The following UGT2A1 variants were observed in gnomAD, a reference collection of about 807,000 sequenced individuals.
The protein encoded by UGT2A1 is UDP glucuronosyltransferase family 2 member A1 complex locus.
In UGT2A1, 61 loss-of-function variants were observed where a neutral mutation model predicts 45.4. The ratio of observed to expected loss-of-function variants is 1.34; its 90% CI spans 1.09 to 1.66. The LOEUF (loss-of-function observed/expected upper bound fraction) is 1.66, where lower values mean the gene tolerates loss of function less well. UGT2A1 is among the 40% of genes most tolerant of loss of function. The pLI, the probability that UGT2A1 is intolerant of heterozygous loss-of-function variation, is 0.00. For synonymous variants in UGT2A1, 229 were observed against 196.2 expected (o/e 1.17, Z -1.40); for missense variants, 649 against 574.3 (o/e 1.13, Z -1.33).
chr4:69,622,430 T>C (rs1267560275), intron 3 of UGT2A1, among the ~76,000 whole-genome samples: 1 of 151,784 alleles, frequency 6.6e-6, no homozygotes, highest in Non-Finnish European at 1.5e-5. Context: ...AATTCTTAAC[T>C]ACATAGAAAG....
At chr4:69,612,266 C>T (rs6600793) in intron 3 of UGT2A1, among the ~76,000 whole-genome samples, 59,976 of 151,724 alleles carry the variant, frequency 0.4, 12,175 homozygotes, top group African/African-American at 0.48. Flanking sequence ...CATATACTAT[C>T]GTGAGTTGGA....
chr4:69,601,115 T>C (rs1159927594), intron 3 of UGT2A1, among the ~76,000 whole-genome samples: 1 of 152,150 alleles, frequency 6.6e-6, no homozygotes, highest in Non-Finnish European at 1.5e-5. Context: ...GCCAAGCATG[T>C]AGGAGCCAGG....
chr4:69,638,024 GAAGGAAGGAAAAA>G (rs1721817301), intron 2 of UGT2A1, among the ~76,000 whole-genome samples: 3 of 151,262 alleles, frequency 2.0e-5, no homozygotes, highest in South Asian at 4.2e-4. Flanking sequence ...AGGAAGGAAA[GAAGGAAGGAAAAA>G]AAGGAAGGAA....
chr4:69,649,080 T>C (rs1251847857), intron 1 of UGT2A1, among the ~76,000 whole-genome samples: 1 of 152,092 alleles, frequency 6.6e-6, no homozygotes, highest in African/African-American at 2.4e-5. Flanking sequence ...TGTATGCATA[T>C]GTCTGTGAAT....
Position 69,594,644 on chromosome 4 carries a change from G to A in UGT2A1, c.1137C>T (p.Tyr379=), listed in dbSNP as rs142612486. The part of the protein sequence containing the change: ...FITHGGTNGI[Y]EAIYHGVPMV... ...TAGGGACTCCGTGGTAAATAGCTTC[G>A]TAGATCCCATTAGTTCCACCATGAG... is the stretch of plus-strand genomic sequence containing the variant. Residue 379 remains tyrosine (Y), a synonymous_variant, in exon 6 of 7, where the codon TAC becomes TAT. Transcript: ENST00000286604. 136 of 1,613,954 alleles carry A rather than the reference G, an allele frequency of 8.4e-5. No individual in the cohort carries two copies. Among genetic ancestry groups the A allele is most frequent in the East Asian group, 2.9e-4 (13 of 44,872 alleles).
intron 3 of UGT2A1, among the ~76,000 whole-genome samples, chr4:69,601,167 T>A (rs902668817): frequency 6.6e-6 from 1 of 152,094 alleles, no homozygotes; most frequent in Non-Finnish European, 1.5e-5. Context: ...CCCATGTGGA[T>A]TCTTCTGTGC....
intron 1 of UGT2A1, 35 bp from the exon 2 acceptor site, chr4:69,647,733 C>T: frequency 2.0e-6 from 2 of 1,006,846 alleles, no homozygotes; most frequent in Non-Finnish European, 2.8e-6. Context: ...AAAATTATTT[C>T]TCAATTTTGA....
intron 1 of UGT2A1, among the ~76,000 whole-genome samples, chr4:69,650,809 T>C (rs1722488398): frequency 6.6e-6 from 1 of 152,120 alleles, no homozygotes; most frequent in African/African-American, 2.4e-5. Flanking sequence ...ATAGGTAAAG[T>C]GTTTTCAGAG....
intron 3 of UGT2A1, among the ~76,000 whole-genome samples, chr4:69,627,305 AT>A (rs1361873774): frequency 6.6e-5 from 10 of 151,926 alleles, no homozygotes; most frequent in Non-Finnish European, 1.3e-4. Context: ...ATGGAAAAAT[AT>A]TTGTCTTATA....
rs144676660 is a variant in UGT2A1, at chr4:69,590,997, T to G, written c.1305-1346A>C. ...ACATCCATATATATACTCTACACTA[T>G]ACCTTGTGTTCCCAGAGGTGGTATT... On this transcript the variant is annotated intron_variant, in intron 6 of 6. Transcript: ENST00000286604. Among the ~76,000 whole-genome samples the G allele has an allele frequency of 2.7e-3, 418 of 152,328 alleles. 1 individual carries two copies. Among genetic ancestry groups the G allele is most frequent in the African/African-American group, 9.4e-3 (390 of 41,580 alleles).
chr4:69,594,340 A>C, intron 6 of UGT2A1, 137 bp downstream of exon 6: 1 of 1,211,704 alleles, frequency 8.3e-7, no homozygotes, highest in Middle Eastern at 2.8e-4. Context: ...AGTTTGGCAA[A>C]TAAAATAGTT....
chr4:69,651,618 T>A (rs1722529577), intron 1 of UGT2A1, among the ~76,000 whole-genome samples: 1 of 152,236 alleles, frequency 6.6e-6, no homozygotes, highest in African/African-American at 2.4e-5. Flanking sequence ...ATTATCACAC[T>A]GCCTCTCTAA....
intron 5 of UGT2A1, 100 bp downstream of exon 5, chr4:69,595,062 T>G: frequency 6.8e-7 from 1 of 1,460,722 alleles, no homozygotes; most frequent in Non-Finnish European, 9.4e-7. Flanking sequence ...TCAAATAACA[T>G]TTTAAATTAT....
chr4:69,646,857 G>A (rs1181497810), intron 2 of UGT2A1, 73 bp downstream of exon 2: 6 of 1,044,124 alleles, frequency 5.7e-6, no homozygotes, highest in African/African-American at 1.6e-5. Flanking sequence ...ATAGACATAG[G>A]GAAATAAAGA....
chr4:69,644,072 G>C (rs936916026), intron 2 of UGT2A1, among the ~76,000 whole-genome samples: 1 of 151,648 alleles, frequency 6.6e-6, no homozygotes, highest in Non-Finnish European at 1.5e-5. Context: ...TTCTAAGTCA[G>C]AAGAGGGTAA....
At chr4:69,644,066 AAGTC>A (rs1722151478) in intron 2 of UGT2A1, among the ~76,000 whole-genome samples, 1 of 151,710 alleles carries the variant, frequency 6.6e-6, no homozygotes, top group Admixed American at 6.6e-5. Flanking sequence ...TAGTCATTCT[AAGTC>A]AGAAGAGGGT....
intron 1 of UGT2A1, among the ~76,000 whole-genome samples, chr4:69,649,526 G>A (rs896574806): frequency 3.9e-5 from 6 of 152,052 alleles, no homozygotes; most frequent in African/African-American, 7.2e-5. Context: ...TATTGAGAGA[G>A]GAGAAAGCAA....
intron 3 of UGT2A1, among the ~76,000 whole-genome samples, chr4:69,622,642 C>A (rs11249452): frequency 0.35 from 53,251 of 151,252 alleles, 9,729 homozygotes; most frequent in African/African-American, 0.43. Flanking sequence ...TTCTTGGTCT[C>A]GAGGCTCAAA....
chr4:69,596,152 A>T lies in UGT2A1; in HGVS notation c.997-903T>A, dbSNP rs895071433. On this transcript the variant is annotated intron_variant, in intron 4 of 6. Transcript: ENST00000286604. ...AACTGTTACTAGTGATACTCAGTGT[A>T]TAATGAGTTTTGATTTTCATATGGA... The T allele has an allele frequency of 8.8e-6, 12 of 1,361,652 alleles. No individual in the cohort carries two copies. The East Asian group carries it at 2.8e-4, about 32-fold the overall frequency. The allele number at this position is 1,361,652 out of a possible 1,614,324, so 84.3% of individuals were successfully genotyped here. A position where few individuals can be genotyped will look rare whatever the true frequency, so the allele number is the denominator to read the frequency against.
Sources: allele counts gnomAD v4.1 joint callset (sites outside exome capture counted in the v4.1 genomes callset), GRCh38; gene constraint gnomAD v4.1.1; transcripts MANE v1.5; gene names NCBI Gene and HGNC (gene_info 2026-07-23, HGNC 2026-07-21).